SGCZ: variants seen among roughly 807,000 people sequenced by gnomAD.
SGCZ encodes zeta-sarcoglycan.
In SGCZ, 40 loss-of-function variants were observed where a neutral mutation model predicts 41.3. That is an observed-to-expected ratio of 0.97 (90% CI 0.75 to 1.26). SGCZ has a LOEUF of 1.26. Ranked by LOEUF, SGCZ falls within the 50% of genes most tolerant of loss-of-function variation. SGCZ has a pLI of 0.00. For synonymous variants in SGCZ, 206 were observed against 137.5 expected, an observed-to-expected ratio of 1.50 and a Z score of -3.49; for missense variants, 552 against 369.8, an observed-to-expected ratio of 1.49 and a Z score of -4.04.
At chr8:15,099,790 G>A (rs1197560128) in intron 1 of SGCZ, among the ~76,000 whole-genome samples, 1 of 151,942 alleles carries the variant, frequency 6.6e-6, no homozygotes, top group Non-Finnish European at 1.5e-5. Context: ...TGTAAGACTG[G>A]TTCAACATTG....
chr8:14,394,234 T>C (rs573971040), intron 2 of SGCZ, among the ~76,000 whole-genome samples: 3 of 143,014 alleles, frequency 2.1e-5, no homozygotes, highest in East Asian at 2.4e-4. Flanking sequence ...CACTGCAACC[T>C]CTGCCTCCCA....
intron 5 of SGCZ, among the ~76,000 whole-genome samples, chr8:14,119,345 A>T (rs562359264): frequency 1.5e-3 from 224 of 151,890 alleles, no homozygotes; most frequent in African/African-American, 5.1e-3. Flanking sequence ...GAGTTGACTC[A>T]TGATTTGGCT....
At chr8:14,535,752 T>A (rs868291115) in intron 2 of SGCZ, among the ~76,000 whole-genome samples, 2 of 151,890 alleles carry the variant, frequency 1.3e-5, no homozygotes, top group Non-Finnish European at 2.9e-5. Flanking sequence ...TTTCTAAAGA[T>A]GTTTCTGGAA....
intron 4 of SGCZ, among the ~76,000 whole-genome samples, chr8:14,234,304 G>A (rs1806679222): frequency 6.6e-6 from 1 of 151,942 alleles, no homozygotes; most frequent in African/African-American, 2.4e-5. Flanking sequence ...CCTAATCACT[G>A]GACTACATAT....
chr8:14,838,688 C>G (rs1802790017), intron 1 of SGCZ, among the ~76,000 whole-genome samples: 1 of 152,166 alleles, frequency 6.6e-6, no homozygotes, highest in Admixed American at 6.5e-5. Flanking sequence ...AAACTGGACC[C>G]TTTCCCTGTG....
intron 4 of SGCZ, among the ~76,000 whole-genome samples, chr8:14,214,094 C>T (rs7813447): frequency 0.99 from 151,471 of 152,260 alleles, 75,349 homozygotes; most frequent in East Asian, 1. Context: ...AAAGCTACCA[C>T]CAAGTATTAA....
intron 1 of SGCZ, among the ~76,000 whole-genome samples, chr8:15,219,053 C>T (rs268337): frequency 0.93 from 141,717 of 152,212 alleles, 66,198 homozygotes; most frequent in Non-Finnish European, 0.97. Context: ...TTACCCTGCA[C>T]TCTCCACGAT....
At chr8:15,209,582 G>T (rs925931436) in intron 1 of SGCZ, among the ~76,000 whole-genome samples, 3 of 151,814 alleles carry the variant, frequency 2.0e-5, no homozygotes, top group African/African-American at 4.8e-5. Flanking sequence ...TTCTTTTTGT[G>T]GGATAGACAT....
At chr8:14,736,072 T>A (rs1799019987) in intron 1 of SGCZ, among the ~76,000 whole-genome samples, 1 of 152,144 alleles carries the variant, frequency 6.6e-6, no homozygotes, top group African/African-American at 2.4e-5. Context: ...TAAGCCCTCA[T>A]CTAATGTCTA....
intron 1 of SGCZ, among the ~76,000 whole-genome samples, chr8:14,817,426 CA>C (rs1265682320): frequency 6.6e-6 from 1 of 152,182 alleles, no homozygotes; most frequent in Non-Finnish European, 1.5e-5. Context: ...TGCATCGCTT[CA>C]GAGTAGGAGG....
At chr8:14,589,889 A>G (rs944451275) in intron 1 of SGCZ, among the ~76,000 whole-genome samples, 1 of 152,176 alleles carries the variant, frequency 6.6e-6, no homozygotes, top group African/African-American at 2.4e-5. Flanking sequence ...CACTGACAGA[A>G]TTTGAAACAA....
intron 1 of SGCZ, among the ~76,000 whole-genome samples, chr8:14,698,181 A>G (rs1454642100): frequency 6.6e-6 from 1 of 152,016 alleles, no homozygotes; most frequent in African/African-American, 2.4e-5. Flanking sequence ...ATGAAATATT[A>G]TACTGTTTGG....
intron 1 of SGCZ, among the ~76,000 whole-genome samples, chr8:15,087,085 A>C (rs556610694): frequency 1.3e-5 from 2 of 152,202 alleles, no homozygotes; most frequent in African/African-American, 4.8e-5. Context: ...AATTAAGTAA[A>C]TCACATACCC....
intron 4 of SGCZ, among the ~76,000 whole-genome samples, chr8:14,210,343 G>GCCA (rs1805763119): frequency 6.6e-6 from 1 of 151,990 alleles, no homozygotes; most frequent in South Asian, 2.1e-4. Flanking sequence ...ACAAGGGTGA[G>GCCA]CCACCATGCC....
At chr8:14,813,432 C>G (rs569406976) in intron 1 of SGCZ, among the ~76,000 whole-genome samples, 8 of 152,230 alleles carry the variant, frequency 5.3e-5, no homozygotes, top group Admixed American at 2.6e-4. Flanking sequence ...CTCATTATAG[C>G]TAGAAATGCA....
chr8:15,093,119 T>C (rs1423807399), intron 1 of SGCZ, among the ~76,000 whole-genome samples: 1 of 152,100 alleles, frequency 6.6e-6, no homozygotes, highest in Non-Finnish European at 1.5e-5. Flanking sequence ...GCTGCAGCCA[T>C]AATAAAAAAA....
intron 1 of SGCZ, among the ~76,000 whole-genome samples, chr8:14,753,809 A>G (rs935751593): frequency 6.6e-6 from 1 of 152,182 alleles, no homozygotes; most frequent in South Asian, 2.1e-4. Context: ...ATTATTCTGG[A>G]TGGAGAAGCC....
intron 1 of SGCZ, among the ~76,000 whole-genome samples, chr8:14,925,042 G>C (rs369934315): frequency 2.6e-5 from 4 of 151,910 alleles, no homozygotes; most frequent in Admixed American, 2.0e-4. Context: ...ATTTTTAGTA[G>C]AGCCAGGGTT....
intron 2 of SGCZ, among the ~76,000 whole-genome samples, chr8:14,501,959 C>T (rs948070144): frequency 2.8e-4 from 42 of 151,722 alleles, no homozygotes; most frequent in Admixed American, 2.6e-3. Context: ...GAAAATGAAG[C>T]GAAAAGTATA....
Sources: allele counts gnomAD v4.1 joint callset (sites outside exome capture counted in the v4.1 genomes callset), GRCh38; gene constraint gnomAD v4.1.1; transcripts MANE v1.5; gene names NCBI Gene and HGNC (gene_info 2026-07-23, HGNC 2026-07-21).